Variants in PCDHA2 observed in about 807,000 individuals in gnomAD.
PCDHA2 encodes protocadherin alpha-2.
In PCDHA2, 58 loss-of-function variants were observed where a neutral mutation model predicts 66.0. The ratio of observed to expected loss-of-function variants is 0.88; its 90% CI spans 0.71 to 1.09. The LOEUF (loss-of-function observed/expected upper bound fraction) is 1.09. Among genes scored for constraint, PCDHA2 ranks in the 50% least tolerant of loss-of-function variants. The pLI is 0.00. For missense variants in PCDHA2, 1,267 were observed against 1,242.3 expected (o/e 1.02, Z -0.30); for synonymous variants, 634 against 554.0 (o/e 1.14, Z -2.03).
rs114699728 is a variant in PCDHA2, at chr5:140,799,596, T to C, written c.2388+2244T>C. Among the ~76,000 whole-genome samples, 1,016 of 152,214 alleles carry C rather than the reference T, an allele frequency of 6.7e-3. 9 individuals carry two copies. The highest frequency in any genetic ancestry group is 0.023 in the African/African-American group (976 of 41,574). On this transcript the variant is annotated intron_variant, in intron 1 of 3. Transcript: ENST00000526136. ...TTGATATTAACAAATATCATTAACT[T>C]ACATTTTTATTTATCTTGCTTGAAA... is the stretch of plus-strand genomic sequence containing the variant.
intron 1 of PCDHA2, chr5:140,859,449 A>T (rs1319113076): frequency 4.5e-6 from 1 of 222,150 alleles, no homozygotes; most frequent in Non-Finnish European, 8.6e-6. Context: ...TTAGTTGCAG[A>T]GTGACAAAAC....
chr5:140,976,788 G>A (rs969853431), intron 1 of PCDHA2, among the ~76,000 whole-genome samples: 4 of 152,218 alleles, frequency 2.6e-5, no homozygotes, highest in Middle Eastern at 3.4e-3. Flanking sequence ...ATATAGCTAC[G>A]CTTTTATGAA....
At chr5:140,907,534 T>G (rs2073435289) in intron 1 of PCDHA2, among the ~76,000 whole-genome samples, 1 of 152,204 alleles carries the variant, frequency 6.6e-6, no homozygotes, top group African/African-American at 2.4e-5. Flanking sequence ...CGCTGCCCTT[T>G]CTATGATGGA....
rs1554244374 is a variant in PCDHA2 at position 140,982,509 on chromosome 5, GC to G, written c.2483del (p.Ala828ValfsTer85). ...VHLEEAGILR[A>X]GPGGPDQQWP... is the part of the protein sequence containing the mutation. ...CCTAGAGGAGGCTGGCATTCTACGGGCTGGTCCAGGAGGGCCTGATCAGCAG... is the reference window on the plus strand; with the variant it reads ...CCTAGAGGAGGCTGGCATTCTACGGGTGGTCCAGGAGGGCCTGATCAGCAG... On this transcript the variant is annotated frameshift_variant, in exon 3 of 4. Transcript: ENST00000526136. LOFTEE classifies it high-confidence loss of function. 6.2e-7 allele frequency: 1 copy of G among 1,614,206 alleles called. No homozygotes were observed. Among genetic ancestry groups the G allele is most frequent in the Non-Finnish European group, 8.5e-7 (1 of 1,180,032 alleles).
At chr5:140,808,478 G>A (rs782669465) in intron 1 of PCDHA2, 1 of 1,614,180 alleles carries the variant, frequency 6.2e-7, no homozygotes, top group South Asian at 1.1e-5. Context: ...GCGAGACGGG[G>A]GCTCGCCTTC....
Position 140,796,851 on chromosome 5 carries a change from T to C in PCDHA2, c.1887T>C (p.Gly629=), listed in dbSNP as rs781825861. 3.7e-6 allele frequency: 6 copies of C among 1,613,820 alleles called. No homozygotes were observed. In the South Asian group the frequency reaches 6.6e-5, roughly 18 times the overall value. ...CGTTCCGCGTGGGGCTATACACGGGTGAGATCAGCACGACACGTGCCCTAG... is the reference window on the plus strand; with the variant it reads ...CGTTCCGCGTGGGGCTATACACGGGCGAGATCAGCACGACACGTGCCCTAG... The part of the protein sequence containing the change: ...RIPFRVGLYT[G]EISTTRALDE... Residue 629 remains glycine (G), a synonymous_variant, in exon 1 of 4, where the codon GGT becomes GGC. Coordinates refer to ENST00000526136, the MANE Select transcript of PCDHA2 (RefSeq NM_018905.3).
intron 1 of PCDHA2, chr5:140,856,946 G>T: frequency 6.3e-7 from 1 of 1,593,334 alleles, no homozygotes; most frequent in East Asian, 2.2e-5. Context: ...AAGGACGGGA[G>T]AAATAAAAGT....
intron 1 of PCDHA2, chr5:140,868,045 A>G (rs1452350688): frequency 3.3e-5 from 5 of 152,130 alleles, no homozygotes; most frequent in African/African-American, 1.2e-4. Flanking sequence ...GGAAATACCA[A>G]TATGGCACAA....
intron 1 of PCDHA2, chr5:140,850,585 A>G (rs1253890726): frequency 6.3e-7 from 1 of 1,598,426 alleles, no homozygotes. Flanking sequence ...GTGGATGTCA[A>G]CGTGTACCTG....
chr5:141,002,189 C>T (rs1277871243), intron 3 of PCDHA2, among the ~76,000 whole-genome samples: 4 of 152,220 alleles, frequency 2.6e-5, no homozygotes, highest in African/African-American at 9.6e-5. Flanking sequence ...TGCTGTCTGG[C>T]AAGATAGTCC....
chr5:140,944,242 C>T (rs969404044), intron 1 of PCDHA2, among the ~76,000 whole-genome samples: 1 of 152,172 alleles, frequency 6.6e-6, no homozygotes, highest in African/African-American at 2.4e-5. Flanking sequence ...GGCTGGAGTG[C>T]AGTGATGTGA....
chr5:140,882,280 C>T lies in PCDHA2; in HGVS notation c.2388+84928C>T, dbSNP rs531486554. On this transcript the variant is annotated intron_variant, in intron 1 of 3. Transcript: ENST00000526136. ...TTTTGGAGTGTACCATGCTGTCTTCCTGGCAAGGAGGCCCAAGACCGCGGC... is the reference window on the plus strand; with the variant it reads ...TTTTGGAGTGTACCATGCTGTCTTCTTGGCAAGGAGGCCCAAGACCGCGGC... 1.0e-4 allele frequency: 164 copies of T among 1,612,564 alleles called. 4 individuals are homozygous for T. The South Asian group carries it at 1.7e-3, about 16-fold the overall frequency.
intron 1 of PCDHA2, among the ~76,000 whole-genome samples, chr5:140,903,617 G>T (rs1488747657): frequency 1.3e-5 from 2 of 152,140 alleles, no homozygotes; most frequent in Non-Finnish European, 2.9e-5. Context: ...ACATGAATGT[G>T]CATGCATATG....
chr5:140,870,080 C>T (rs2051640102), intron 1 of PCDHA2: 1 of 1,613,722 alleles, frequency 6.2e-7, no homozygotes, highest in Non-Finnish European at 8.5e-7. Flanking sequence ...GATAAGGGGA[C>T]TCCCCCAATG....
intron 1 of PCDHA2, chr5:140,966,883 T>A (rs155364): frequency 0.52 from 832,487 of 1,587,228 alleles, 220,297 homozygotes; most frequent in African/African-American, 0.71. Flanking sequence ...TACCTGGCCC[T>A]GCGGCCTCCC....
chr5:140,976,453 G>A (rs1554237653), intron 1 of PCDHA2, among the ~76,000 whole-genome samples: 1 of 152,032 alleles, frequency 6.6e-6, no homozygotes, highest in Admixed American at 6.6e-5. Flanking sequence ...AGGGAGGCTG[G>A]GGAAGAAGAA....
intron 1 of PCDHA2, chr5:140,927,385 C>G: frequency 6.2e-7 from 1 of 1,614,098 alleles, no homozygotes; most frequent in East Asian, 2.2e-5. Flanking sequence ...CAGCCTAAGC[C>G]CCAGTCAGCA....
chr5:140,912,918 G>A (rs1302662045), intron 1 of PCDHA2, among the ~76,000 whole-genome samples: 16 of 152,284 alleles, frequency 1.1e-4, no homozygotes, highest in Middle Eastern at 3.4e-3. Flanking sequence ...ATTGATTTGT[G>A]TATGTTGAAT....
In PCDHA2 at chr5:141,010,893, A is replaced by G. The variant is rs76323061; in HGVS notation, c.*956A>G. On this transcript the variant is annotated 3_prime_UTR_variant, in exon 4 of 4. Transcript: ENST00000526136. ...TAAATCTTTAAAGAGAAATATGAAT[A>G]CAATTCCCCTAAACTCTCCTCAAAA... is the stretch of plus-strand genomic sequence containing the variant. 0.018 allele frequency: 2,808 copies of G among 153,906 alleles called. 48 individuals are homozygous for G. The highest frequency in any genetic ancestry group is 0.029 in the Non-Finnish European group (1,995 of 68,040). 9.5% of individuals were successfully genotyped at this position (153,906 alleles called of 1,614,324 possible).
Sources: gnomAD v4.1 joint callset for allele counts (sites outside exome capture counted in the v4.1 genomes callset) on GRCh38, gnomAD v4.1.1 for gene constraint, MANE v1.5 for transcripts, NCBI Gene and HGNC (gene_info 2026-07-23, HGNC 2026-07-21) for gene names.